Variants in PER2 observed in about 807,000 individuals in gnomAD.
PER2 encodes period circadian protein homolog 2.
Under a neutral mutation model 121.0 loss-of-function variants are expected in PER2, and 66 were observed. The observed-to-expected ratio is 0.55, with a 90% CI of 0.45 to 0.67. The LOEUF (loss-of-function observed/expected upper bound fraction) is 0.67, where lower values mean the gene tolerates loss of function less well. PER2 is among the 30% of genes least tolerant of loss of function. PER2 has a pLI of 0.00. For synonymous variants in PER2, 684 were observed against 659.9 expected (o/e 1.04, Z -0.56); for missense variants, 1,521 against 1,635.0 (o/e 0.93, Z 1.20).
In PER2 at chr2:238,258,900, C is replaced by T. The variant is rs1231710704; in HGVS notation, c.1628-256G>A. Among the ~76,000 whole-genome samples the T allele has an allele frequency of 3.9e-5, 6 of 152,088 alleles. No homozygotes were observed. In the South Asian group the frequency reaches 1.3e-3, roughly 32 times the overall value. On this transcript the variant is annotated intron_variant, in intron 14 of 22. Transcript: ENST00000254657. ...CTTCTCTCTGGGGTCTAGGCTGTCC[C>T]CAGGGGTCAGGGACTCAGCAGTGGG...
In PER2 at chr2:238,245,042, TAAAAAAAAAAAAAAAAA is replaced by T. The variant is rs71402776; in HGVS notation, c.*1316_*1332del. The T allele has an allele frequency of 1.5e-4, 6 of 40,978 alleles. No homozygotes were observed. Among genetic ancestry groups the T allele is most frequent in the Admixed American group, 6.8e-4 (2 of 2,924 alleles). The allele number at this position is 40,978 out of a possible 1,614,324, so 2.5% of individuals were successfully genotyped here. ...AGCCTGGGCAAAAAGAAACTCCATC[TAAAAAAAAAAAAAAAAA>T]AAAAAAAAAAAGAAAACCCTGGTCC... On this transcript the variant is annotated 3_prime_UTR_variant, in exon 23 of 23. Coordinates refer to ENST00000254657, the MANE Select transcript of PER2 (RefSeq NM_022817.3).
At chr2:238,282,410 T>C (rs953553969) in intron 1 of PER2, among the ~76,000 whole-genome samples, 1 of 151,978 alleles carries the variant, frequency 6.6e-6, no homozygotes, top group African/African-American at 2.4e-5. Context: ...CTAAGCTCCA[T>C]GGGGGCAGGG....
chr2:238,297,179 C>T, the PER2 span, among the ~76,000 whole-genome samples: 20 of 151,432 alleles, frequency 1.3e-4, no homozygotes, highest in Non-Finnish European at 2.1e-4. Context: ...CCACCCCCCA[C>T]GCTCTGCGGC....
At position 238,261,379 on chromosome 2, in the gene PER2, T is replaced by A. The variant is rs1695925996; in HGVS notation, c.1416+350A>T. 7.6e-6 allele frequency: 3 copies of A among 395,576 alleles called. No homozygotes were observed. The East Asian group carries it at 1.5e-4, about 19-fold the overall frequency. 24.5% of individuals were successfully genotyped at this position (395,576 alleles called of 1,614,324 possible). On this transcript the variant is annotated intron_variant, in intron 12 of 22. Coordinates refer to ENST00000254657, the MANE Select transcript of PER2 (RefSeq NM_022817.3). Reference sequence around the variant, plus strand: ...TTAGGGACCTTGAGTACAATGTCCCTCCCTTAAGTCCCACTGCTCTGGATT... The same window carrying A: ...TTAGGGACCTTGAGTACAATGTCCCACCCTTAAGTCCCACTGCTCTGGATT...
Position 238,252,849 on chromosome 2 carries a change from G to T in PER2, c.3111+63C>A. On this transcript the variant is annotated intron_variant, in intron 19 of 22. Transcript: ENST00000254657. This position sits in a 1 kb window ranked among gnomAD's most constrained non-coding sequence, Gnocchi z 4.2. ...CCCATGTCTGAACTGAGGATGTGCG[G>T]CCGGCCTGCCAGGTGTGCTGTTTGC... 1.4e-6 allele frequency: 2 copies of T among 1,406,340 alleles called. No homozygotes were observed. The highest frequency in any genetic ancestry group is 3.3e-5 in the Admixed American group (2 of 59,792). The allele number at this position is 1,406,340 out of a possible 1,614,324, so 87.1% of individuals were successfully genotyped here.
chr2:238,271,196 C>T (rs1696272114), intron 6 of PER2, 116 bp downstream of exon 6: 1 of 878,188 alleles, frequency 1.1e-6, no homozygotes, highest in Non-Finnish European at 1.9e-6. Context: ...CTGGCGGCCC[C>T]CACAGGTGGG....
At chr2:238,283,771 A>C (rs1404469274) in intron 1 of PER2, among the ~76,000 whole-genome samples, 1 of 152,170 alleles carries the variant, frequency 6.6e-6, no homozygotes, top group Non-Finnish European at 1.5e-5. Flanking sequence ...GGAGCTGCCA[A>C]GGGGCCGCCC....
At position 238,275,828 on chromosome 2, in the gene PER2, G is replaced by A. The variant is rs1696436672; in HGVS notation, c.363C>T (p.His121=). 1 of 1,613,992 alleles carries A rather than the reference G, an allele frequency of 6.2e-7. No homozygotes were observed. The highest frequency in any genetic ancestry group is 8.5e-7 in the Non-Finnish European group (1 of 1,179,890). The change falls in exon 4 of 23, where the codon CAC becomes CAT. Residue 121 remains histidine (H), a synonymous_variant. Coordinates refer to ENST00000254657, the MANE Select transcript of PER2 (RefSeq NM_022817.3). ...CCTTGGCCTTCTTGTCTGCAGGGAG[G>A]TGGACCTTCAGCTCCTTTAGTGTTT... is the stretch of plus-strand genomic sequence containing the variant. The part of the protein sequence containing the change: ...LIKTLKELKV[H]LPADKKAKGK...
chr2:238,273,142 A>G lies in PER2; in HGVS notation c.498T>C (p.Cys166=). The part of the protein sequence containing the change: ...QLLMSSEGHP[C]GADVPSYTVE... ...CGGTGTAGGAGGGCACGTCTGCTCC[A>G]CAGGGGTGACCCTCGCTGGACATCA... The change falls in exon 5 of 23, where the codon TGT becomes TGC. Residue 166 remains cysteine, a synonymous_variant. Transcript: ENST00000254657. 6.2e-7 allele frequency: 1 copy of G among 1,613,954 alleles called. No homozygotes were observed. Among genetic ancestry groups the G allele is most frequent in the Non-Finnish European group, 8.5e-7 (1 of 1,179,830 alleles).
chr2:238,270,122 T>C (rs985637825), intron 6 of PER2, among the ~76,000 whole-genome samples: 2 of 152,246 alleles, frequency 1.3e-5, no homozygotes, highest in Non-Finnish European at 2.9e-5. Context: ...CCTCTTTCTT[T>C]GGCCTCTCAG....
rs1696192893 is a variant in PER2 at position 238,268,798 on chromosome 2, C to A, written c.824+125G>T. 8 of 745,638 alleles carry A rather than the reference C, an allele frequency of 1.1e-5. No homozygotes were observed. The highest frequency in any genetic ancestry group is 1.5e-5 in the South Asian group (1 of 67,106). 46.2% of individuals were successfully genotyped at this position (745,638 alleles called of 1,614,324 possible). On this transcript the variant is annotated intron_variant, in intron 7 of 22. Coordinates refer to ENST00000254657, the MANE Select transcript of PER2 (RefSeq NM_022817.3). The surrounding 1 kb of genome is among the most constrained non-coding windows in gnomAD (Gnocchi z 4.0). ...GTAACTGACTGTGTTTTCTGGTAGA[C>A]TTCAGAAACAGGCGTGCTGAGTCCC...
chr2:238,261,762 C>A lies in PER2; in HGVS notation c.1383G>T (p.Glu461Asp). Residue 461 changes from glutamate (E) to aspartate (D), a missense_variant, in exon 12 of 23, where the codon GAG (glutamate) becomes GAT (aspartate). By Grantham distance (45) the Glu-to-Asp change is conservative. Transcript: ENST00000254657. ...EEKALHPSIQ[E>D]LTEQIHRLLL... Reference sequence around the variant, plus strand: ...GGAGCCGGTGGATCTGCTCTGTGAGCTCCTGAATGCTGGGGTGCAGGGCCT... The same window carrying A: ...GGAGCCGGTGGATCTGCTCTGTGAGATCCTGAATGCTGGGGTGCAGGGCCT... 6.4e-7 allele frequency: 1 copy of A among 1,571,554 alleles called. No homozygotes were observed.
intron 1 of PER2, among the ~76,000 whole-genome samples, chr2:238,287,837 A>G (rs1696833553): frequency 6.6e-6 from 1 of 152,194 alleles, no homozygotes; most frequent in Admixed American, 6.5e-5. Flanking sequence ...AGGGGGAAGC[A>G]GGCCACCTCC....
At chr2:238,276,524 G>C (rs907590669) in intron 3 of PER2, among the ~76,000 whole-genome samples, 2 of 152,234 alleles carry the variant, frequency 1.3e-5, no homozygotes, top group African/African-American at 4.8e-5. Flanking sequence ...AAGAAGGACT[G>C]AGTGATGGGA....
the PER2 span, among the ~76,000 whole-genome samples, chr2:238,296,087 G>T: frequency 2.1e-5 from 1 of 46,928 alleles, no homozygotes. Context: ...GTGCCCTCCT[G>T]CTGCAGAGTC....
In PER2 at chr2:238,288,594, C is replaced by A. The variant is rs976277825; in HGVS notation, c.-265G>T. On this transcript the variant is annotated 5_prime_UTR_variant, in exon 1 of 23. Coordinates refer to ENST00000254657, the MANE Select transcript of PER2 (RefSeq NM_022817.3). Reference sequence around the variant, plus strand: ...GACCCCGACCTGCCCGAGGCCCGCGCGCCGGCGGCGGTTACGTAAGCCGCA... The same window carrying A: ...GACCCCGACCTGCCCGAGGCCCGCGAGCCGGCGGCGGTTACGTAAGCCGCA... The A allele has an allele frequency of 6.6e-6, 1 of 151,464 alleles. No individual in the cohort carries two copies. Among genetic ancestry groups the A allele is most frequent in the East Asian group, 1.9e-4 (1 of 5,162 alleles). 9.4% of individuals were successfully genotyped at this position (151,464 alleles called of 1,614,324 possible).
chr2:238,253,621 C>T lies in PER2; in HGVS notation c.2402G>A (p.Arg801Gln), dbSNP rs747720132. Residue 801 changes from arginine to glutamine, a missense_variant, in exon 19 of 23, where the codon CGG (arginine) becomes CAG (glutamine). Arg to Gln is a conservative substitution (Grantham distance 43). Coordinates refer to ENST00000254657, the MANE Select transcript of PER2 (RefSeq NM_022817.3). The surrounding 1 kb of genome is among the most constrained non-coding windows in gnomAD (Gnocchi z 5.6). ...CTCAGATGAGTCTCGAGGTTTGACC[C>T]GCTTGGACTTCAATTTTCTGTTCTT... ...TGKNRKLKSK[R>Q]VKPRDSSEST... 46 of 1,609,528 alleles carry T rather than the reference C, an allele frequency of 2.9e-5. No individual in the cohort carries two copies. The highest frequency in any genetic ancestry group is 1.7e-4 in the African/African-American group (13 of 74,890).
Position 238,246,431 on chromosome 2 carries a change from T to G in PER2, c.3712A>C (p.Thr1238Pro). The G allele has an allele frequency of 1.2e-6, 2 of 1,612,502 alleles. No individual in the cohort carries two copies. Among genetic ancestry groups the G allele is most frequent in the South Asian group, 2.2e-5 (2 of 90,964 alleles). The stretch of plus-strand genomic sequence containing the variant: ...GGGGATCCATTTTCGTCTTCTTTGG[T>G]GTCCGACACTTCGCTGAGTCCCAGA... ...PSLGLSEVSD[T>P]KEDENGSPLN... is the part of the protein sequence containing the mutation. The change falls in exon 23 of 23, where the codon ACC becomes CCC. Residue 1238 changes from threonine to proline, a missense_variant. Transcript: ENST00000254657.
intron 6 of PER2, among the ~76,000 whole-genome samples, chr2:238,270,437 A>AG (rs1696248139): frequency 6.6e-6 from 1 of 151,782 alleles, no homozygotes; most frequent in South Asian, 2.1e-4. Context: ...AAAAAAAAAA[A>AG]TCTTAGATCT....
Sources: gnomAD v4.1 joint callset for allele counts (sites outside exome capture counted in the v4.1 genomes callset) on GRCh38, gnomAD v4.1.1 for gene constraint, Gnocchi (gnomAD v3.1) non-coding constraint, MANE v1.5 for transcripts, NCBI Gene and HGNC (gene_info 2026-07-23, HGNC 2026-07-21) for gene names.